SGCZ: variants seen among roughly 807,000 people sequenced by gnomAD.
SGCZ encodes sarcoglycan zeta.
A neutral mutation model predicts 41.3 loss-of-function variants in SGCZ; 40 were observed. That is an observed-to-expected ratio of 0.97 (90% CI 0.75 to 1.26). SGCZ has a LOEUF of 1.26. Ranked by LOEUF, SGCZ falls within the 50% of genes most tolerant of loss-of-function variation. SGCZ has a pLI of 0.00. For missense variants in SGCZ, 552 were observed against 369.8 expected (o/e 1.49, Z -4.04); for synonymous variants, 206 against 137.5 (o/e 1.50, Z -3.49).
At chr8:14,999,078 T>C (rs1371378696) in intron 1 of SGCZ, among the ~76,000 whole-genome samples, 1 of 152,188 alleles carries the variant, frequency 6.6e-6, no homozygotes, top group African/African-American at 2.4e-5. Context: ...GGACAACACC[T>C]TTAGGGTGTT....
At position 15,078,358 on chromosome 8, in the gene SGCZ, C is replaced by A. The variant is rs73522884; in HGVS notation, c.39+159227G>T. ...AAGAAACCTAAGAGTCACTCTCCCT[C>A]TCTCTCCATACCATACTCAGTAATA... On this transcript the variant is annotated intron_variant, in intron 1 of 7. Transcript: ENST00000382080. Among the ~76,000 whole-genome samples, 4 of 151,674 alleles carry A rather than the reference C, an allele frequency of 2.6e-5. No homozygotes were observed. In the East Asian group the frequency reaches 7.8e-4, roughly 30 times the overall value.
intron 1 of SGCZ, among the ~76,000 whole-genome samples, chr8:14,768,462 C>T (rs548654621): frequency 6.6e-6 from 1 of 152,242 alleles, no homozygotes; most frequent in African/African-American, 2.4e-5. Flanking sequence ...AACAATAGAA[C>T]AAAGATTTTA....
intron 4 of SGCZ, among the ~76,000 whole-genome samples, chr8:14,220,184 C>T (rs1806143345): frequency 6.6e-6 from 1 of 152,058 alleles, no homozygotes; most frequent in Non-Finnish European, 1.5e-5. Context: ...TGTGACACTA[C>T]TACAGCCCCA....
rs535193948 is a variant in SGCZ, at chr8:14,996,597, G to C, written c.39+240988C>G. 5.8e-4 allele frequency among the ~76,000 whole-genome samples: 88 copies of C among 152,230 alleles called. 1 individual carries two copies. Among genetic ancestry groups the C allele is most frequent in the Admixed American group, 1.1e-3 (17 of 15,294 alleles). The stretch of plus-strand genomic sequence containing the variant: ...GATGATTCTAATTGTCATTGAGGAA[G>C]TCAGATGGTGGAATTCAGAACTGAC... On this transcript the variant is annotated intron_variant, in intron 1 of 7. Coordinates refer to ENST00000382080, the MANE Select transcript of SGCZ (RefSeq NM_139167.4).
intron 3 of SGCZ, among the ~76,000 whole-genome samples, chr8:14,311,041 C>G (rs1801524950): frequency 6.6e-6 from 1 of 152,096 alleles, no homozygotes. Flanking sequence ...CTGACCTAGT[C>G]ACAGCTTCCT....
intron 1 of SGCZ, among the ~76,000 whole-genome samples, chr8:14,861,972 C>T (rs1474768205): frequency 6.6e-6 from 1 of 151,588 alleles, no homozygotes; most frequent in East Asian, 1.9e-4. Context: ...ACTATAAAGG[C>T]ACATTAAGAA....
At chr8:14,456,032 G>A (rs2116938149) in intron 2 of SGCZ, among the ~76,000 whole-genome samples, 1 of 152,266 alleles carries the variant, frequency 6.6e-6, no homozygotes, top group Middle Eastern at 3.4e-3. Flanking sequence ...CATTTTGGGG[G>A]GAAGGTGAAA....
In SGCZ at chr8:14,245,684, A is replaced by G. The variant is rs181089169; in HGVS notation, c.337-8005T>C. 2.0e-3 allele frequency among the ~76,000 whole-genome samples: 298 copies of G among 151,126 alleles called. 5 individuals are homozygous for G. The highest frequency in any genetic ancestry group is 0.016 in the Admixed American group (225 of 14,450). ...ATACACAAAACGGGAGAAAATTTTC[A>G]CAACCTACTCATCTGACAAAGGGCT... On this transcript the variant is annotated intron_variant, in intron 3 of 7. Transcript: ENST00000382080.
intron 1 of SGCZ, among the ~76,000 whole-genome samples, chr8:14,775,578 T>C (rs1800378971): frequency 6.6e-6 from 1 of 151,858 alleles, no homozygotes; most frequent in Non-Finnish European, 1.5e-5. Context: ...TATAACGAAT[T>C]AATAAAAATA....
At position 14,898,202 on chromosome 8, in the gene SGCZ, A is replaced by C. The variant is rs186623078; in HGVS notation, c.39+339383T>G. On this transcript the variant is annotated intron_variant, in intron 1 of 7. Coordinates refer to ENST00000382080, the MANE Select transcript of SGCZ (RefSeq NM_139167.4). ...TGTACTCAAGAGATCCTCCCACCTC[A>C]ACCTCCCAAAGCATAGGAACTACAG... is the stretch of plus-strand genomic sequence containing the variant. 4.0e-3 allele frequency among the ~76,000 whole-genome samples: 611 copies of C among 152,186 alleles called. 3 individuals carry two copies. Among genetic ancestry groups the C allele is most frequent in the South Asian group, 0.018 (86 of 4,806 alleles).
At chr8:14,754,470 C>T (rs1384859447) in intron 1 of SGCZ, among the ~76,000 whole-genome samples, 2 of 152,006 alleles carry the variant, frequency 1.3e-5, no homozygotes, top group Non-Finnish European at 2.9e-5. Flanking sequence ...CTTATTATTG[C>T]TTCTTGTCTA....
At chr8:14,463,295 TTC>T (rs1268075488) in intron 2 of SGCZ, among the ~76,000 whole-genome samples, 2 of 151,502 alleles carry the variant, frequency 1.3e-5, no homozygotes, top group Admixed American at 1.3e-4. Context: ...GGCTCACACT[TTC>T]TGATTTTAAA....
intron 4 of SGCZ, among the ~76,000 whole-genome samples, chr8:14,208,439 G>A (rs1824741): frequency 0.76 from 114,524 of 151,560 alleles, 44,376 homozygotes; most frequent in African/African-American, 0.92. Flanking sequence ...TCTAGAGCAA[G>A]TATGGAGGAA....
intron 1 of SGCZ, among the ~76,000 whole-genome samples, chr8:14,725,158 G>T (rs1283876483): frequency 1.3e-5 from 2 of 152,106 alleles, no homozygotes; most frequent in East Asian, 1.9e-4. Context: ...TCCATCCATG[G>T]TGTTGCAAAT....
chr8:14,377,858 C>G (rs1334218415), intron 2 of SGCZ, among the ~76,000 whole-genome samples: 1 of 151,792 alleles, frequency 6.6e-6, no homozygotes. Flanking sequence ...AGGACATGAA[C>G]TCATCATTTT....
intron 1 of SGCZ, among the ~76,000 whole-genome samples, chr8:14,888,932 T>C (rs924278715): frequency 4.6e-5 from 7 of 152,312 alleles, no homozygotes; most frequent in Admixed American, 4.6e-4. Flanking sequence ...TCATAAAACT[T>C]GGTGCATATT....
chr8:14,507,672 T>G (rs139134569), intron 2 of SGCZ, among the ~76,000 whole-genome samples: 1 of 152,352 alleles, frequency 6.6e-6, no homozygotes, highest in African/African-American at 2.4e-5. Flanking sequence ...ACTTTCTGCA[T>G]GGAATGCAAT....
At chr8:14,702,651 C>T (rs994904062) in intron 1 of SGCZ, among the ~76,000 whole-genome samples, 4 of 151,818 alleles carry the variant, frequency 2.6e-5, no homozygotes, top group Non-Finnish European at 5.9e-5. Flanking sequence ...TACTCAGTTG[C>T]TCAAGTCAAA....
chr8:14,255,441 C>T (rs1041194207), intron 3 of SGCZ, among the ~76,000 whole-genome samples: 1 of 152,088 alleles, frequency 6.6e-6, no homozygotes, highest in African/African-American at 2.4e-5. Context: ...CTTACTGCTT[C>T]TAATGCCCAA....
Sources: gnomAD v4.1 joint callset for allele counts (sites outside exome capture counted in the v4.1 genomes callset) on GRCh38, gnomAD v4.1.1 for gene constraint, MANE v1.5 for transcripts, NCBI Gene and HGNC (gene_info 2026-07-23, HGNC 2026-07-21) for gene names.